ZFR2: variants seen among roughly 807,000 people sequenced by gnomAD.
ZFR2 encodes the protein zinc finger RNA binding protein 2, also known as zinc finger RNA-binding protein 2.
In ZFR2, 104 loss-of-function variants were observed where a neutral mutation model predicts 105.7. The ratio of observed to expected loss-of-function variants is 0.98; its 90% CI spans 0.84 to 1.16. The LOEUF (loss-of-function observed/expected upper bound fraction) is 1.16, where lower values mean the gene tolerates loss of function less well. Ranked by LOEUF, ZFR2 falls within the 50% of genes most tolerant of loss-of-function variation. The pLI is 0.00. For missense variants in ZFR2, 1,425 were observed against 1,355.5 expected, an observed-to-expected ratio of 1.05 and a Z score of -0.80; for synonymous variants, 634 against 597.7, an observed-to-expected ratio of 1.06 and a Z score of -0.89.
At chr19:3,853,572 A>G (rs1304590234) in intron 1 of ZFR2, among the ~76,000 whole-genome samples, 1 of 152,206 alleles carries the variant, frequency 6.6e-6, no homozygotes, top group Non-Finnish European at 1.5e-5. Context: ...GAGAGAAGCC[A>G]GACACAAAAG....
chr19:3,828,110 G>A (rs555245382), intron 5 of ZFR2, among the ~76,000 whole-genome samples: 8 of 150,994 alleles, frequency 5.3e-5, no homozygotes, highest in South Asian at 4.2e-4. Context: ...GCGCACCACC[G>A]CGCCCAGCCT....
intron 1 of ZFR2, chr19:3,855,543 C>A: frequency 1.0e-6 from 1 of 959,074 alleles, no homozygotes; most frequent in Non-Finnish European, 1.4e-6. Flanking sequence ...ACCAAAGTCC[C>A]GTCCTCCAGG....
rs142220461 is a variant in ZFR2 at position 3,858,133 on chromosome 19, C to A, written c.53+10832G>T. Among the ~76,000 whole-genome samples, 339 of 152,214 alleles carry A rather than the reference C, an allele frequency of 2.2e-3. 3 individuals carry two copies. The highest frequency in any genetic ancestry group is 7.9e-3 in the African/African-American group (327 of 41,546). ...CACTGATCTCATTTTGTTCACACGG[C>A]CACCAAACTCAAGGGGACGTCAAGG... On this transcript the variant is annotated intron_variant, in intron 1 of 18. Coordinates refer to ENST00000262961, the MANE Select transcript of ZFR2 (RefSeq NM_015174.2). This position sits in a 1 kb window ranked among gnomAD's most constrained non-coding sequence, Gnocchi z 4.3.
chr19:3,825,517 CG>C (rs1433118456), intron 6 of ZFR2, 110 bp from the exon 7 acceptor site: 12 of 1,375,876 alleles, frequency 8.7e-6, no homozygotes, highest in Non-Finnish European at 1.2e-5. Context: ...GTGGGCTGGC[CG>C]GTCCCAGGGA....
chr19:3,820,312 GAGCATGGTCAGGCC>G, intron 10 of ZFR2, 22 bp from the exon 11 acceptor site: 6 of 1,534,392 alleles, frequency 3.9e-6, no homozygotes, highest in Non-Finnish European at 5.2e-6. Context: ...AGACGTGACA[GAGCATGGTCAGGCC>G]AGCAGTGGCC....
At position 3,805,115 on chromosome 19, in the gene ZFR2, A is replaced by T. The variant is rs1169613064; in HGVS notation, c.*834T>A. 1.3e-5 allele frequency: 2 copies of T among 152,268 alleles called. No homozygotes were observed. The highest frequency in any genetic ancestry group is 1.3e-4 in the Admixed American group (2 of 15,254). The allele number at this position is 152,268 out of a possible 1,614,324, so 9.4% of individuals were successfully genotyped here. ...TTAAACCGCTGGGCTCAAGCGATCC[A>T]CCAAGCTTGGCCTCCCAAAGTGCTG... On this transcript the variant is annotated 3_prime_UTR_variant, in exon 19 of 19. Coordinates refer to ENST00000262961, the MANE Select transcript of ZFR2 (RefSeq NM_015174.2).
intron 1 of ZFR2, among the ~76,000 whole-genome samples, chr19:3,861,789 G>C (rs190064344): frequency 1.3e-5 from 2 of 152,218 alleles, no homozygotes; most frequent in Non-Finnish European, 2.9e-5. Context: ...GGCTGGGCGT[G>C]GTGGTGCATG....
At chr19:3,857,532 A>T (rs138335842) in intron 1 of ZFR2, among the ~76,000 whole-genome samples, 7 of 7,266 alleles carry the variant, frequency 9.6e-4, no homozygotes, top group Non-Finnish European at 1.4e-3. Context: ...TGGTGTATAC[A>T]AAAAAAAAAA....
chr19:3,820,142 G>C, intron 11 of ZFR2, 40 bp downstream of exon 11: 1 of 1,541,730 alleles, frequency 6.5e-7, no homozygotes, highest in Non-Finnish European at 8.8e-7. Context: ...CGGGGAGTGT[G>C]AGGTCGCCCG....
At chr19:3,861,936 A>G (rs2038378974) in intron 1 of ZFR2, among the ~76,000 whole-genome samples, 1 of 152,132 alleles carries the variant, frequency 6.6e-6, no homozygotes, top group Non-Finnish European at 1.5e-5. Context: ...AAAAATAATA[A>G]TAATAAAATA....
chr19:3,816,832 G>A lies in ZFR2; in HGVS notation c.1945C>T (p.Gln649Ter). 1 of 1,563,862 alleles carries A rather than the reference G, an allele frequency of 6.4e-7. No homozygotes were observed. Among genetic ancestry groups the A allele is most frequent in the Non-Finnish European group, 8.7e-7 (1 of 1,155,182 alleles). The change falls in exon 13 of 19, where the codon CAG becomes TAG. Residue 649 changes from glutamine (Q) to a stop codon, truncating the protein, a stop_gained. Coordinates refer to ENST00000262961, the MANE Select transcript of ZFR2 (RefSeq NM_015174.2). LOFTEE classifies it high-confidence loss of function. ...ATGACGCCTTTCAGGACCCGAGTCT[G>A]GGGGGCAACGCTGCTGTGGGGACAA... ...EGDKRSSVAP[Q>*]TRVLKGVMRV...
At chr19:3,831,210 G>T in intron 5 of ZFR2, 93 bp downstream of exon 5, 3 of 1,423,454 alleles carry the variant, frequency 2.1e-6, no homozygotes, top group South Asian at 1.5e-5. Flanking sequence ...AGCAGGCAGC[G>T]ACCCTGACCA....
chr19:3,824,532 C>T (rs1057243146), intron 7 of ZFR2, among the ~76,000 whole-genome samples: 6 of 152,154 alleles, frequency 3.9e-5, no homozygotes, highest in Non-Finnish European at 5.9e-5. Context: ...ATTTGTTCAC[C>T]GTGAGCACCA....
At chr19:3,827,329 CGGCT>C (rs1447129446) in intron 6 of ZFR2, 138 bp downstream of exon 6, 150 of 938,786 alleles carry the variant, frequency 1.6e-4, no homozygotes, top group Non-Finnish European at 2.1e-4. Context: ...TGGGCCTGGG[CGGCT>C]GGCCCTTGGG....
intron 16 of ZFR2, among the ~76,000 whole-genome samples, chr19:3,809,344 G>A (rs927597458): frequency 2.6e-5 from 4 of 152,060 alleles, no homozygotes; most frequent in African/African-American, 7.2e-5. Context: ...TTCCCCGGCC[G>A]GTCCACAGTG....
At chr19:3,832,634 T>A (rs112866003) in intron 3 of ZFR2, among the ~76,000 whole-genome samples, 52 of 145,900 alleles carry the variant, frequency 3.6e-4, no homozygotes, top group Middle Eastern at 7.0e-3. Flanking sequence ...TTTTGTTTTT[T>A]TTTTTTATTT....
chr19:3,836,756 G>C (rs1185452200), intron 1 of ZFR2, among the ~76,000 whole-genome samples: 1 of 152,170 alleles, frequency 6.6e-6, no homozygotes, highest in African/African-American at 2.4e-5. Context: ...AGGAGGACCA[G>C]GGGCTCATGT....
At chr19:3,821,151 G>A (rs1360930893) in intron 10 of ZFR2, among the ~76,000 whole-genome samples, 189 bp downstream of exon 10, 1 of 152,094 alleles carries the variant, frequency 6.6e-6, no homozygotes, top group Non-Finnish European at 1.5e-5. Context: ...CTGTGCCCTT[G>A]CCCGTCTGCT....
chr19:3,846,476 C>T (rs147936473), intron 1 of ZFR2, among the ~76,000 whole-genome samples: 50 of 152,312 alleles, frequency 3.3e-4, no homozygotes, highest in African/African-American at 1.2e-3. Context: ...CTGTATTTAA[C>T]TTTAGCGAGC....
Sources: allele counts gnomAD v4.1 joint callset (sites outside exome capture counted in the v4.1 genomes callset), GRCh38; gene constraint gnomAD v4.1.1; non-coding constraint Gnocchi (gnomAD v3.1); transcripts MANE v1.5; gene names NCBI Gene and HGNC (gene_info 2026-07-23, HGNC 2026-07-21).